PRDM15: variants seen among roughly 807,000 people sequenced by gnomAD.
PRDM15 encodes the protein PR domain zinc finger protein 15.
PRDM15 carries 64 observed loss-of-function variants against 128.6 expected under a neutral mutation model. That is an observed-to-expected ratio of 0.50 (90% CI 0.41 to 0.61). The LOEUF (loss-of-function observed/expected upper bound fraction) is 0.61, where lower values mean the gene tolerates loss of function less well. PRDM15 is among the 20% of genes least tolerant of loss of function. PRDM15 has a pLI of 0.00. For missense variants in PRDM15, 1,242 were observed against 1,569.1 expected (o/e 0.79, Z 3.52); for synonymous variants, 615 against 621.8 (o/e 0.99, Z 0.16).
At chr21:41,803,427 T>A (rs552053730) in intron 22 of PRDM15, among the ~76,000 whole-genome samples, 1 of 152,300 alleles carries the variant, frequency 6.6e-6, no homozygotes, top group African/African-American at 2.4e-5. Context: ...CCCGCACGAT[T>A]CCCTGCAAGT....
intron 1 of PRDM15, chr21:41,870,853 A>C (rs1339967603): frequency 6.6e-6 from 1 of 152,248 alleles, no homozygotes; most frequent in Non-Finnish European, 1.5e-5. Flanking sequence ...CACCAGGCCC[A>C]GGGTGTGAGT....
chr21:41,819,777 A>G, intron 17 of PRDM15, 76 bp from the exon 18 acceptor site: 1 of 1,521,022 alleles, frequency 6.6e-7, no homozygotes, highest in Non-Finnish European at 8.8e-7. Context: ...TGCACCAAGG[A>G]GAGGGGCCCA....
chr21:41,870,438 G>A (rs1221396809), intron 1 of PRDM15, among the ~76,000 whole-genome samples: 1 of 152,072 alleles, frequency 6.6e-6, no homozygotes, highest in African/African-American at 2.4e-5. Flanking sequence ...CTGGGCACAC[G>A]GCCTCGTGAC....
rs868828989 is a variant in PRDM15, at chr21:41,821,571, G to A, written c.1896+332C>T. ...GAGGGGAAAAGGGGAGGAGAGAGGC[G>A]CCCCAGCCTGCAGCCAGCACAGCCA... On this transcript the variant is annotated intron_variant, in intron 15 of 23. Transcript: ENST00000398548. The surrounding 1 kb of genome is among the most constrained non-coding windows in gnomAD (Gnocchi z 5.4). Among the ~76,000 whole-genome samples, 56 of 152,222 alleles carry A rather than the reference G, an allele frequency of 3.7e-4. No individual in the cohort carries two copies. In the Middle Eastern group the frequency reaches 0.014, roughly 37 times the overall value.
intron 21 of PRDM15, among the ~76,000 whole-genome samples, chr21:41,809,238 T>C (rs1051432211): frequency 9.9e-5 from 15 of 150,764 alleles, no homozygotes; most frequent in Non-Finnish European, 2.1e-4. Flanking sequence ...TTTTTTCTTT[T>C]TTTTTTTTTT....
In PRDM15 at chr21:41,853,101, G is replaced by C. The variant is rs1238334492; in HGVS notation, c.538+1465C>G. On this transcript the variant is annotated intron_variant, in intron 5 of 23. Transcript: ENST00000398548. ...CAGCCCTGCTGACACCCTGACCGTG[G>C]GCGTGTGGCCTCCAGCACTGCGGGA... 1.3e-5 allele frequency among the ~76,000 whole-genome samples: 2 copies of C among 152,244 alleles called. 1 individual carries two copies. Among genetic ancestry groups the C allele is most frequent in the Non-Finnish European group, 2.9e-5 (2 of 68,050 alleles).
intron 6 of PRDM15, among the ~76,000 whole-genome samples, chr21:41,845,531 G>A (rs187060734): frequency 1.3e-5 from 2 of 151,936 alleles, no homozygotes; most frequent in East Asian, 4.0e-4. Context: ...GCAGAGGCCG[G>A]GCTGCCCGAG....
At chr21:41,806,039 CCACCAT>C in intron 21 of PRDM15, among the ~76,000 whole-genome samples, 1 of 29,070 alleles carries the variant, frequency 3.4e-5, no homozygotes, top group South Asian at 1.2e-3. Flanking sequence ...ACCATCACCA[CCACCAT>C]CACCACCACC....
intron 18 of PRDM15, 151 bp downstream of exon 18, chr21:41,819,431 A>T: frequency 2.1e-6 from 2 of 972,068 alleles, no homozygotes; most frequent in African/African-American, 1.7e-5. Context: ...GCCTGTACCC[A>T]CCTTTCCCAC....
chr21:41,848,803 C>T (rs918376207), intron 5 of PRDM15, among the ~76,000 whole-genome samples: 9 of 152,172 alleles, frequency 5.9e-5, no homozygotes, highest in African/African-American at 1.9e-4. Flanking sequence ...CTTGTCATGA[C>T]GACTGCCCGC....
Position 41,802,775 on chromosome 21 carries a change from T to C in PRDM15, c.2880A>G (p.Lys960=). ...CTACACTGCCTGTGAACTCCGTCTC[T>C]TTCTCTGAGTATTCGCTGAAGGTGG... is the stretch of plus-strand genomic sequence containing the variant. ...EDATFSEYSE[K]ETEFTGSVGD... is the part of the protein sequence containing the mutation. Residue 960 remains lysine (K), a synonymous_variant, in exon 23 of 24, where the codon AAA becomes AAG. Transcript: ENST00000398548. The C allele has an allele frequency of 6.2e-7, 1 of 1,614,226 alleles. No individual in the cohort carries two copies. The highest frequency in any genetic ancestry group is 1.1e-5 in the South Asian group (1 of 91,086).
At chr21:41,845,480 A>G (rs1479120601) in intron 6 of PRDM15, among the ~76,000 whole-genome samples, 1 of 151,502 alleles carries the variant, frequency 6.6e-6, no homozygotes, top group African/African-American at 2.4e-5. Context: ...CAGAGCCGTC[A>G]CCTGGAAGGA....
chr21:41,847,164 G>T lies in PRDM15; in HGVS notation c.566C>A (p.Pro189His). The change falls in exon 6 of 24, where the codon CCC becomes CAC. Residue 189 changes from proline (P) to histidine (H), a missense_variant. Transcript: ENST00000398548. ...CCACTGGCTGGGCTCCGACTCCACG[G>T]GGGCGCTGTTTTCTGGGGTGCCTGC... is the stretch of plus-strand genomic sequence containing the variant. ...HAAGTPENSA[P>H]VESEPSQWAC... 6.4e-7 allele frequency: 1 copy of T among 1,554,280 alleles called. No homozygotes were observed. The highest frequency in any genetic ancestry group is 2.4e-5 in the East Asian group (1 of 41,578).
chr21:41,801,400 G>A lies in PRDM15; in HGVS notation c.3266C>T (p.Thr1089Met), dbSNP rs538385630. ...GTCACTAAGCTGGCTCCCCAGGGGC[G>A]TGATGGAGTTGACCAGGGTCGTCAG... ...INLTTLVNSI[T>M]PLGSQLSDQH... Residue 1089 changes from threonine to methionine, a missense_variant, in exon 24 of 24, where the codon ACG (threonine) becomes ATG (methionine). Thr to Met is a moderately conservative substitution (Grantham distance 81). This residue lies in a region of PRDM15 where 602 missense variants were observed against 788.3 expected (regional missense o/e 0.76). Coordinates refer to ENST00000398548, the MANE Select transcript of PRDM15 (RefSeq NM_001040424.3). 12 of 1,613,708 alleles carry A rather than the reference G, an allele frequency of 7.4e-6. No homozygotes were observed. The highest frequency in any genetic ancestry group is 2.7e-5 in the African/African-American group (2 of 75,048).
intron 18 of PRDM15, among the ~76,000 whole-genome samples, chr21:41,816,397 G>A (rs1262205677): frequency 1.3e-5 from 2 of 152,214 alleles, no homozygotes; most frequent in African/African-American, 2.4e-5. Flanking sequence ...AAGGCCCTCC[G>A]CAGGGGGCAC....
rs2061376773 is a variant in PRDM15 at position 41,799,875 on chromosome 21, A to C, written c.*1365T>G. The C allele has an allele frequency of 6.6e-6, 1 of 152,220 alleles. No individual in the cohort carries two copies. The highest frequency in any genetic ancestry group is 6.5e-5 in the Admixed American group (1 of 15,268). The allele number at this position is 152,220 out of a possible 1,614,324, so 9.4% of individuals were successfully genotyped here. Reference sequence around the variant, plus strand: ...AAGTTAAGAGCAAACTTCTCCCCACACCTCTCAGTGTTTCTTGTCGTGGGC... The same window carrying C: ...AAGTTAAGAGCAAACTTCTCCCCACCCCTCTCAGTGTTTCTTGTCGTGGGC... On this transcript the variant is annotated 3_prime_UTR_variant, in exon 24 of 24. Transcript: ENST00000398548.
At chr21:41,878,759 G>T in intron 1 of PRDM15, 1 of 1,517,330 alleles carries the variant, frequency 6.6e-7, no homozygotes, top group Non-Finnish European at 8.8e-7. Flanking sequence ...ACCCGCATGG[G>T]CTGTACCCGA....
chr21:41,836,437 C>A, intron 9 of PRDM15, 31 bp downstream of exon 9: 1 of 1,590,530 alleles, frequency 6.3e-7, no homozygotes, highest in Non-Finnish European at 8.6e-7. Context: ...TGGCCCTGGC[C>A]CCGGGCGCCA....
rs1471482629 is a variant in PRDM15, at chr21:41,810,914, C to T, written c.2393-78G>A. The T allele has an allele frequency of 6.7e-6, 9 of 1,341,584 alleles. No individual in the cohort carries two copies. Among genetic ancestry groups the T allele is most frequent in the South Asian group, 1.2e-5 (1 of 84,950 alleles). 83.1% of individuals were successfully genotyped at this position (1,341,584 alleles called of 1,614,324 possible). ...ACATCAGGGCATGTCTTCTCCCTGACACGTTCCAGGCACTGTAGGGCCTTC... is the reference window on the plus strand; with the variant it reads ...ACATCAGGGCATGTCTTCTCCCTGATACGTTCCAGGCACTGTAGGGCCTTC... On this transcript the variant is annotated intron_variant, in intron 19 of 23. Coordinates refer to ENST00000398548, the MANE Select transcript of PRDM15 (RefSeq NM_001040424.3). The surrounding 1 kb of genome is among the most constrained non-coding windows in gnomAD (Gnocchi z 6.4).
Sources: gnomAD v4.1 joint callset for allele counts (sites outside exome capture counted in the v4.1 genomes callset) on GRCh38, gnomAD v4.1.1 for gene constraint, gnomAD v4.1.1 regional missense constraint, Gnocchi (gnomAD v3.1) non-coding constraint, MANE v1.5 for transcripts, NCBI Gene and HGNC (gene_info 2026-07-23, HGNC 2026-07-21) for gene names.